Variants in CACNA1E observed in about 807,000 individuals in gnomAD.
CACNA1E encodes voltage-dependent R-type calcium channel subunit alpha-1E.
A neutral mutation model predicts 259.2 loss-of-function variants in CACNA1E; 40 were observed. That is an observed-to-expected ratio of 0.15 (90% CI 0.12 to 0.20). The LOEUF (loss-of-function observed/expected upper bound fraction) is 0.20. CACNA1E is among the 10% of genes least tolerant of loss of function. CACNA1E has a pLI of 1.00. For synonymous variants in CACNA1E, 1,104 were observed against 1,138.5 expected (o/e 0.97, Z 0.61); for missense variants, 1,874 against 3,040.1 (o/e 0.62, Z 9.02).
intron 1 of CACNA1E, among the ~76,000 whole-genome samples, chr1:181,334,546 A>T (rs904174002): frequency 6.6e-6 from 1 of 152,222 alleles, no homozygotes; most frequent in Admixed American, 6.5e-5. Flanking sequence ...TCAGTTAATG[A>T]CAACACCATC....
chr1:181,392,271 C>G (rs1246532571), intron 1 of CACNA1E, among the ~76,000 whole-genome samples: 1 of 152,180 alleles, frequency 6.6e-6, no homozygotes, highest in Non-Finnish European at 1.5e-5. Flanking sequence ...TAATTTCACC[C>G]TCCATGCCTT....
intron 1 of CACNA1E, among the ~76,000 whole-genome samples, chr1:181,403,672 A>G (rs913119713): frequency 6.6e-6 from 1 of 152,172 alleles, no homozygotes; most frequent in Non-Finnish European, 1.5e-5. Context: ...AGTATTTAAA[A>G]TCTTATAATT....
At chr1:181,796,884 A>G in intron 47 of CACNA1E, 26 bp downstream of exon 47, 1 of 1,533,600 alleles carries the variant, frequency 6.5e-7, no homozygotes. Flanking sequence ...AAGCCAGTCT[A>G]CAGCAGAAGG....
intron 1 of CACNA1E, among the ~76,000 whole-genome samples, chr1:181,327,702 G>A (rs1227826854): frequency 3.9e-5 from 6 of 152,226 alleles, no homozygotes; most frequent in Admixed American, 3.9e-4. Flanking sequence ...GGGAGAATGA[G>A]GGCAGGACCT....
At chr1:181,360,966 G>A (rs1244040177) in intron 1 of CACNA1E, among the ~76,000 whole-genome samples, 12 of 152,160 alleles carry the variant, frequency 7.9e-5, no homozygotes, top group Admixed American at 7.9e-4. Flanking sequence ...TGTGGGGAGA[G>A]TGACTCTAGT....
intron 1 of CACNA1E, among the ~76,000 whole-genome samples, chr1:181,333,654 T>C (rs1651457955): frequency 1.3e-5 from 2 of 152,152 alleles, no homozygotes; most frequent in Non-Finnish European, 2.9e-5. Flanking sequence ...TTCATTTCTT[T>C]TTCTTTCTTT....
At chr1:181,614,806 G>A (rs1027738632) in intron 6 of CACNA1E, among the ~76,000 whole-genome samples, 1 of 152,024 alleles carries the variant, frequency 6.6e-6, no homozygotes, top group Non-Finnish European at 1.5e-5. Flanking sequence ...CATATATTTT[G>A]TGCATTCATG....
rs532900818 is a variant in CACNA1E at position 181,742,420 on chromosome 1, A to G, written c.3719+3167A>G. On this transcript the variant is annotated intron_variant, in intron 25 of 47. Transcript: ENST00000367573. ...CAACTTTCGTTATCATATCCCATAT[A>G]TTTGCCCCATAATGTCCACCATTCA... 1.3e-3 allele frequency among the ~76,000 whole-genome samples: 205 copies of G among 152,272 alleles called. 1 individual carries two copies. Among genetic ancestry groups the G allele is most frequent in the Non-Finnish European group, 2.5e-3 (169 of 68,028 alleles).
intron 1 of CACNA1E, among the ~76,000 whole-genome samples, chr1:181,331,746 T>C (rs961214682): frequency 6.6e-6 from 1 of 152,168 alleles, no homozygotes; most frequent in Non-Finnish European, 1.5e-5. Context: ...TGCTAATTTG[T>C]AGAGGTCATT....
intron 2 of CACNA1E, among the ~76,000 whole-genome samples, chr1:181,467,152 C>T (rs984568463): frequency 6.6e-6 from 1 of 152,170 alleles, no homozygotes; most frequent in Non-Finnish European, 1.5e-5. Context: ...CTGAAGTGAT[C>T]GAGCCTTTTT....
At chr1:181,577,947 T>C (rs1276155715) in intron 4 of CACNA1E, 78 bp downstream of exon 4, 2 of 944,030 alleles carry the variant, frequency 2.1e-6, no homozygotes, top group African/African-American at 3.3e-5. Context: ...CTAAGGGAAT[T>C]TGGGATAAAC....
At chr1:181,355,592 AAAAC>A (rs1653365352) in intron 1 of CACNA1E, among the ~76,000 whole-genome samples, 1 of 10,304 alleles carries the variant, frequency 9.7e-5, no homozygotes, top group African/African-American at 3.6e-4. Context: ...CATCTCAAAC[AAAAC>A]AAAACAAAAC....
At chr1:181,384,184 C>T (rs1435636545) in intron 1 of CACNA1E, among the ~76,000 whole-genome samples, 2 of 152,224 alleles carry the variant, frequency 1.3e-5, no homozygotes, top group South Asian at 2.1e-4. Flanking sequence ...ACCTGCACTG[C>T]GCAGTGAAGT....
rs79961706 is a variant in CACNA1E, at chr1:181,322,609, G to T, written c.-15+4486G>T. Among the ~76,000 whole-genome samples the T allele has an allele frequency of 3.4e-3, 522 of 152,306 alleles. 4 individuals carry two copies. The highest frequency in any genetic ancestry group is 0.012 in the African/African-American group (503 of 41,550). ...CCTCATCCCTGACATGAGGATTCAA[G>T]AAGGTTCTATTGTCTGCAATACATG... On this transcript the variant is annotated intron_variant, in intron 1 of 11. Coordinates refer to the CACNA1E transcript ENST00000524607.
chr1:181,614,705 C>T (rs1355986603), intron 6 of CACNA1E, among the ~76,000 whole-genome samples: 1 of 152,176 alleles, frequency 6.6e-6, no homozygotes, highest in Non-Finnish European at 1.5e-5. Context: ...GTATCATGTA[C>T]AGTCTGTAAA....
chr1:181,328,680 G>A (rs1243008612), intron 1 of CACNA1E, among the ~76,000 whole-genome samples: 1 of 152,140 alleles, frequency 6.6e-6, no homozygotes, highest in Non-Finnish European at 1.5e-5. Context: ...GAGAGTAATG[G>A]GGAAGGAGTT....
chr1:181,796,894 G>A lies in CACNA1E; in HGVS notation c.6399+36G>A, dbSNP rs770877924. ...AGAGGAAGCCAGTCTACAGCAGAAGGACAGGGGAGGGTGGGCTGTATCATT... is the reference window on the plus strand; with the variant it reads ...AGAGGAAGCCAGTCTACAGCAGAAGAACAGGGGAGGGTGGGCTGTATCATT... On this transcript the variant is annotated intron_variant, in intron 47 of 47. Coordinates refer to ENST00000367573, the MANE Select transcript of CACNA1E (RefSeq NM_001205293.3). 1.0e-5 allele frequency: 15 copies of A among 1,478,924 alleles called. No homozygotes were observed. The East Asian group carries it at 3.2e-4, about 31-fold the overall frequency. 91.6% of individuals were successfully genotyped at this position (1,478,924 alleles called of 1,614,324 possible).
intron 3 of CACNA1E, among the ~76,000 whole-genome samples, chr1:181,534,238 A>G (rs1667999217): frequency 6.6e-6 from 1 of 152,142 alleles, no homozygotes; most frequent in Non-Finnish European, 1.5e-5. Context: ...TAATAGCTCA[A>G]TATTTTCATC....
chr1:181,468,664 C>A lies in CACNA1E; in HGVS notation c.435-15080C>A, dbSNP rs544136791. Among the ~76,000 whole-genome samples, 273 of 152,212 alleles carry A rather than the reference C, an allele frequency of 1.8e-3. 2 individuals carry two copies. Among genetic ancestry groups the A allele is most frequent in the Non-Finnish European group, 3.4e-3 (231 of 68,016 alleles). ...GAGGCAGGGTGACATAAAGTGCCAGCAGTACTCAGAGGAGAGAGAGATCAC... is the reference window on the plus strand; with the variant it reads ...GAGGCAGGGTGACATAAAGTGCCAGAAGTACTCAGAGGAGAGAGAGATCAC... On this transcript the variant is annotated intron_variant, in intron 2 of 11. Coordinates refer to the CACNA1E transcript ENST00000524607.
Sources: allele counts gnomAD v4.1 joint callset (sites outside exome capture counted in the v4.1 genomes callset), GRCh38; gene constraint gnomAD v4.1.1; transcripts MANE v1.5; gene names NCBI Gene and HGNC (gene_info 2026-07-23, HGNC 2026-07-21).